Variants in ZFHX3 observed in about 807,000 individuals in gnomAD.
ZFHX3 encodes zinc finger homeobox 3.
Under a neutral mutation model 279.1 loss-of-function variants are expected in ZFHX3, and 42 were observed. The observed-to-expected ratio is 0.15, with a 90% CI of 0.12 to 0.19. The LOEUF is 0.19. Ranked by LOEUF, ZFHX3 falls within the 10% of genes least tolerant of loss-of-function variation. The probability of loss-of-function intolerance (pLI) is 1.00; values close to 1 mark genes in which losing one functional copy is unlikely to be tolerated. For missense variants in ZFHX3, 4,981 were observed against 4,754.0 expected (o/e 1.05, Z -1.40); for synonymous variants, 2,293 against 1,957.8 (o/e 1.17, Z -4.52).
intron 3 of ZFHX3, among the ~76,000 whole-genome samples, chr16:73,349,643 TCCC>T: frequency 6.5e-5 from 1 of 15,346 alleles, no homozygotes; most frequent in African/African-American, 1.7e-4. Context: ...CCTCCCTCCC[TCCC>T]TCTCTCCCTC....
chr16:73,774,985 A>T (rs763050016), intron 1 of ZFHX3, among the ~76,000 whole-genome samples: 3 of 152,070 alleles, frequency 2.0e-5, no homozygotes, highest in African/African-American at 4.8e-5. Flanking sequence ...CTAACCCCAG[A>T]TATCATCTCT....
intron 2 of ZFHX3, among the ~76,000 whole-genome samples, chr16:73,619,497 A>AT (rs1263741461): frequency 1.4e-4 from 7 of 48,562 alleles, no homozygotes; most frequent in South Asian, 6.5e-4. Context: ...CAAAAAAAAA[A>AT]AATTATATAT....
intron 2 of ZFHX3, among the ~76,000 whole-genome samples, chr16:73,502,140 A>G (rs2019250021): frequency 1.3e-5 from 2 of 152,134 alleles, no homozygotes; most frequent in African/African-American, 4.8e-5. Flanking sequence ...ATGAAGAAAC[A>G]TGTTAGGCCA....
intron 2 of ZFHX3, among the ~76,000 whole-genome samples, chr16:73,576,440 A>G (rs986244527): frequency 2.0e-5 from 3 of 152,240 alleles, no homozygotes; most frequent in African/African-American, 7.2e-5. Flanking sequence ...GTGATGGTCA[A>G]GAATAGATAA....
intron 1 of ZFHX3, chr16:73,014,518 C>CTTTTTTTTTTTTTTTTT (rs1000108439): frequency 1.1e-4 from 7 of 63,366 alleles, no homozygotes; most frequent in African/African-American, 4.4e-4. Flanking sequence ...ATTTCTTCTT[C>CTTTTTTTTTTTTTTTTT]TTTTTTTTTT....
At chr16:72,937,556 T>C (rs936495006) in intron 3 of ZFHX3, among the ~76,000 whole-genome samples, 1 of 152,094 alleles carries the variant, frequency 6.6e-6, no homozygotes, top group East Asian at 1.9e-4. Flanking sequence ...GAGTGAGGGG[T>C]TGCTGGGCAA....
chr16:73,555,475 G>C (rs1264062870), intron 2 of ZFHX3, among the ~76,000 whole-genome samples: 1 of 151,616 alleles, frequency 6.6e-6, no homozygotes, highest in African/African-American at 2.4e-5. Flanking sequence ...ATTTTTAAGA[G>C]GCTCTCTGCC....
Position 73,150,693 on chromosome 16 carries a change from T to C in ZFHX3, c.-1103-6862A>G, listed in dbSNP as rs140226756. Among the ~76,000 whole-genome samples, 859 of 152,316 alleles carry C rather than the reference T, an allele frequency of 5.6e-3. 6 individuals carry two copies. Among genetic ancestry groups the C allele is most frequent in the African/African-American group, 0.02 (813 of 41,574 alleles). On this transcript the variant is annotated intron_variant, in intron 5 of 17. Coordinates refer to the ZFHX3 transcript ENST00000641206. ...TAAAAGCCAGGGGTATCAGAGTGAC[T>C]GGTGGACATGATTTGCTCTCATGAT...
intron 3 of ZFHX3, among the ~76,000 whole-genome samples, chr16:73,372,967 T>A (rs2016657674): frequency 6.6e-6 from 1 of 152,154 alleles, no homozygotes; most frequent in Non-Finnish European, 1.5e-5. Flanking sequence ...CCACCCCTAA[T>A]GACAAAACAC....
chr16:73,695,432 C>T (rs1270427540), intron 1 of ZFHX3, among the ~76,000 whole-genome samples: 2 of 152,030 alleles, frequency 1.3e-5, no homozygotes, highest in South Asian at 2.1e-4. Context: ...AATCTCCTCT[C>T]ATTTGTCATT....
intron 2 of ZFHX3, among the ~76,000 whole-genome samples, chr16:73,556,990 G>T (rs1324984192): frequency 1.3e-5 from 2 of 151,016 alleles, no homozygotes; most frequent in African/African-American, 4.9e-5. Flanking sequence ...AGCTACTCAG[G>T]AGGCTGAGGC....
intron 5 of ZFHX3, among the ~76,000 whole-genome samples, chr16:72,819,894 A>G (rs1456421079): frequency 2.0e-5 from 3 of 152,252 alleles, no homozygotes. Flanking sequence ...CCTTGTTTAC[A>G]GAAATCTCTT....
intron 3 of ZFHX3, among the ~76,000 whole-genome samples, chr16:73,379,863 T>C (rs2016790355): frequency 6.6e-6 from 1 of 152,208 alleles, no homozygotes; most frequent in Admixed American, 6.5e-5. Flanking sequence ...GTCTGTGCAA[T>C]GCTTACTTCT....
intron 1 of ZFHX3, among the ~76,000 whole-genome samples, chr16:73,045,618 T>C (rs1965264843): frequency 6.6e-6 from 1 of 150,520 alleles, no homozygotes; most frequent in Admixed American, 6.7e-5. Flanking sequence ...TTTCAGGTGG[T>C]TGGGGAAGCA....
chr16:72,833,189 C>T (rs1335363196), intron 4 of ZFHX3, among the ~76,000 whole-genome samples: 2 of 152,210 alleles, frequency 1.3e-5, no homozygotes, highest in Non-Finnish European at 2.9e-5. Flanking sequence ...GAACCAGGGG[C>T]AAAATAGCAT....
chr16:73,418,012 A>AAG (rs34943942), intron 3 of ZFHX3, among the ~76,000 whole-genome samples: 1 of 143,296 alleles, frequency 7.0e-6, no homozygotes, highest in Non-Finnish European at 1.5e-5. Context: ...AAAAAAAAAA[A>AAG]GGAAAAAGAA....
At chr16:73,568,347 C>T (rs187996513) in intron 2 of ZFHX3, among the ~76,000 whole-genome samples, 3 of 151,454 alleles carry the variant, frequency 2.0e-5, no homozygotes, top group Non-Finnish European at 2.9e-5. Context: ...TGGGCATTTC[C>T]GTCATCTTTC....
intron 2 of ZFHX3, among the ~76,000 whole-genome samples, chr16:73,566,281 T>C (rs1451669046): frequency 6.6e-6 from 1 of 152,236 alleles, no homozygotes; most frequent in Non-Finnish European, 1.5e-5. Context: ...GATCTCCTCA[T>C]AGACCTAAAA....
intron 4 of ZFHX3, among the ~76,000 whole-genome samples, chr16:73,266,283 G>A (rs2013972860): frequency 6.6e-6 from 1 of 152,144 alleles, no homozygotes; most frequent in Non-Finnish European, 1.5e-5. Flanking sequence ...TTGTGGGTGG[G>A]TATGGAATGT....
Sources: allele counts gnomAD v4.1 joint callset (sites outside exome capture counted in the v4.1 genomes callset), GRCh38; gene constraint gnomAD v4.1.1; transcripts MANE v1.5; gene names NCBI Gene and HGNC (gene_info 2026-07-23, HGNC 2026-07-21).